Variants in SRD5A2 observed in about 807,000 individuals in gnomAD.
SRD5A2 encodes steroid 5 alpha-reductase 2.
SRD5A2 carries 30 observed loss-of-function variants against 27.4 expected under a neutral mutation model. The observed-to-expected ratio is 1.10, with a 90% CI of 0.82 to 1.49. The LOEUF is 1.49. SRD5A2 is among the 40% of genes most tolerant of loss of function. SRD5A2 has a pLI of 0.00. For missense variants in SRD5A2, 348 were observed against 323.4 expected, an observed-to-expected ratio of 1.08 and a Z score of -0.58; for synonymous variants, 141 against 133.6, an observed-to-expected ratio of 1.06 and a Z score of -0.38.
At chr2:31,638,219 C>CA in the SRD5A2 span, among the ~76,000 whole-genome samples, 1 of 151,718 alleles carries the variant, frequency 6.6e-6, no homozygotes, top group Non-Finnish European at 1.5e-5. Context: ...GTTTGATATC[C>CA]ATTTGTTTGT....
chr2:31,573,187 G>A (rs1666886960), intron 1 of SRD5A2, among the ~76,000 whole-genome samples: 1 of 152,118 alleles, frequency 6.6e-6, no homozygotes, highest in African/African-American at 2.4e-5. Context: ...GCAATCACTT[G>A]TAAAATAGCA....
intron 1 of SRD5A2, among the ~76,000 whole-genome samples, chr2:31,552,755 T>C (rs1279805933): frequency 1.3e-5 from 2 of 152,172 alleles, no homozygotes; most frequent in Admixed American, 6.5e-5. Context: ...TCCAAATCTC[T>C]AGCTGGGCTA....
At chr2:31,539,391 G>A (rs1442748514) in intron 1 of SRD5A2, among the ~76,000 whole-genome samples, 2 of 152,194 alleles carry the variant, frequency 1.3e-5, no homozygotes, top group Non-Finnish European at 1.5e-5. Context: ...TTAGAATATA[G>A]TTGCTTTGTT....
chr2:31,652,817 G>C, the SRD5A2 span, among the ~76,000 whole-genome samples: 3 of 152,276 alleles, frequency 2.0e-5, no homozygotes, highest in South Asian at 6.2e-4. Context: ...AGAAAGCTAT[G>C]TGTTTTTACC....
intron 3 of SRD5A2, 88 bp from the exon 4 acceptor site, chr2:31,529,545 G>T (rs1665859931): frequency 3.3e-6 from 5 of 1,520,936 alleles, no homozygotes; most frequent in South Asian, 2.6e-5. Flanking sequence ...ATACACAAAG[G>T]CAGCAAGAAC....
chr2:31,580,767 G>C lies in SRD5A2; in HGVS notation c.134C>G (p.Thr45Ser), dbSNP rs776884291. ...CCAGGCGGCGCGGGCTGGCAGGCGGGTAGCCGCCGGCTTCAGGCTCTCCGT... is the reference window on the plus strand; with the variant it reads ...CCAGGCGGCGCGGGCTGGCAGGCGGCTAGCCGCCGGCTTCAGGCTCTCCGT... Reference protein sequence around the residue: ...KHTESLKPAATRLPARAAWFL... With the variant: ...KHTESLKPAASRLPARAAWFL... The change falls in exon 1 of 5, where the codon ACC (threonine) becomes AGC (serine). Residue 45 changes from threonine to serine, a missense_variant. By Grantham distance (58) the Thr-to-Ser change is moderately conservative (BLOSUM62 1). Coordinates refer to ENST00000622030, the MANE Select transcript of SRD5A2 (RefSeq NM_000348.4). The C allele has an allele frequency of 6.2e-7, 1 of 1,610,756 alleles. No individual in the cohort carries two copies. Among genetic ancestry groups the C allele is most frequent in the East Asian group, 2.2e-5 (1 of 44,852 alleles).
At chr2:31,630,632 G>A in the SRD5A2 span, among the ~76,000 whole-genome samples, 1 of 152,254 alleles carries the variant, frequency 6.6e-6, no homozygotes, top group Admixed American at 6.5e-5. Context: ...ACAGAAGAAA[G>A]TAGAAAAATA....
At chr2:31,621,203 A>C in the SRD5A2 span, among the ~76,000 whole-genome samples, 1 of 151,902 alleles carries the variant, frequency 6.6e-6, no homozygotes, top group African/African-American at 2.4e-5. Context: ...ATACAGAATA[A>C]TGTCATCACC....
At chr2:31,563,227 A>G (rs1465437888) in intron 1 of SRD5A2, 2 of 152,150 alleles carry the variant, frequency 1.3e-5, no homozygotes, top group Non-Finnish European at 2.9e-5. Context: ...GGAAAAAAAC[A>G]TGACATTGAG....
Position 31,526,130 on chromosome 2 carries a change from A to C in SRD5A2, c.*66T>G. On this transcript the variant is annotated 3_prime_UTR_variant, in exon 5 of 5. Transcript: ENST00000622030. ...GGGACTATTATATCATGAAAATTAC[A>C]GTTTCAGCAGCTTGACAGTTTTCAT... 1.0e-6 allele frequency: 1 copy of C among 991,164 alleles called. No individual in the cohort carries two copies. The highest frequency in any genetic ancestry group is 2.7e-5 in the East Asian group (1 of 37,232). 61.4% of individuals were successfully genotyped at this position (991,164 alleles called of 1,614,324 possible). A position where few individuals can be genotyped will look rare whatever the true frequency, so the allele number is the denominator to read the frequency against.
chr2:31,534,970 T>C (rs982787003), intron 1 of SRD5A2, among the ~76,000 whole-genome samples: 5 of 152,098 alleles, frequency 3.3e-5, no homozygotes, highest in Non-Finnish European at 7.4e-5. Context: ...CATTTTAAAT[T>C]ATGGAGTGAC....
chr2:31,637,988 T>C, the SRD5A2 span, among the ~76,000 whole-genome samples: 200 of 152,212 alleles, frequency 1.3e-3, 2 homozygotes, highest in South Asian at 0.039. Flanking sequence ...GGCTTATTCT[T>C]CCTTTTCTAG....
chr2:31,622,937 G>A, the SRD5A2 span, among the ~76,000 whole-genome samples: 1 of 151,914 alleles, frequency 6.6e-6, no homozygotes, highest in Non-Finnish European at 1.5e-5. Flanking sequence ...AGCTCCTGAG[G>A]CATCCACTTA....
In SRD5A2 at chr2:31,563,300, G is replaced by A. The variant is rs1229454088; in HGVS notation, c.281+17320C>T. 3 of 151,766 alleles carry A rather than the reference G, an allele frequency of 2.0e-5. No individual in the cohort carries two copies. The East Asian group carries it at 5.8e-4, about 29-fold the overall frequency. The allele number at this position is 151,766 out of a possible 1,614,324, so 9.4% of individuals were successfully genotyped here. ...TATTGCAGATTATCCAATTAGCAAA[G>A]ATAAATACTAAAACCCATTGGAGAC... On this transcript the variant is annotated intron_variant, in intron 1 of 4. Coordinates refer to ENST00000622030, the MANE Select transcript of SRD5A2 (RefSeq NM_000348.4).
At chr2:31,637,791 T>G in the SRD5A2 span, among the ~76,000 whole-genome samples, 1 of 152,090 alleles carries the variant, frequency 6.6e-6, no homozygotes, top group African/African-American at 2.4e-5. Context: ...CAGTTATATT[T>G]TCTTTATTAT....
At chr2:31,609,414 A>G in the SRD5A2 span, among the ~76,000 whole-genome samples, 1 of 152,160 alleles carries the variant, frequency 6.6e-6, no homozygotes, top group African/African-American at 2.4e-5. Flanking sequence ...ATAAAAATAG[A>G]TACATTTATC....
the SRD5A2 span, among the ~76,000 whole-genome samples, chr2:31,636,571 G>A: frequency 6.6e-6 from 1 of 152,164 alleles, no homozygotes; most frequent in Middle Eastern, 3.4e-3. Flanking sequence ...TTAGAGGAAA[G>A]GTCTTCACAT....
At chr2:31,613,393 G>A in the SRD5A2 span, among the ~76,000 whole-genome samples, 1 of 152,050 alleles carries the variant, frequency 6.6e-6, no homozygotes, top group South Asian at 2.1e-4. Context: ...GATATGAATA[G>A]CCAACAGATA....
chr2:31,623,199 C>G, the SRD5A2 span, among the ~76,000 whole-genome samples: 1 of 152,062 alleles, frequency 6.6e-6, no homozygotes, highest in Non-Finnish European at 1.5e-5. Context: ...TGCAAATTGT[C>G]TCTAATGCTT....
Sources: allele counts gnomAD v4.1 joint callset (sites outside exome capture counted in the v4.1 genomes callset), GRCh38; gene constraint gnomAD v4.1.1; transcripts MANE v1.5; gene names NCBI Gene and HGNC (gene_info 2026-07-23, HGNC 2026-07-21).